EPB41L4A: variants seen among roughly 807,000 people sequenced by gnomAD.
EPB41L4A encodes band 4.1-like protein 4A.
EPB41L4A carries 100 observed loss-of-function variants against 108.6 expected under a neutral mutation model. The observed-to-expected ratio is 0.92, with a 90% CI of 0.78 to 1.09. The LOEUF (loss-of-function observed/expected upper bound fraction) is 1.09. EPB41L4A is among the 50% of genes least tolerant of loss of function. The pLI, the probability that EPB41L4A is intolerant of heterozygous loss-of-function variation, is 0.00. For missense variants in EPB41L4A, 1,030 were observed against 842.7 expected (o/e 1.22, Z -2.75); for synonymous variants, 319 against 289.0 (o/e 1.10, Z -1.05).
chr5:112,259,197 T>G, intron 9 of EPB41L4A, 32 bp downstream of exon 9: 1 of 1,551,558 alleles, frequency 6.4e-7, no homozygotes, highest in Non-Finnish European at 8.9e-7. Context: ...GACACCCCTC[T>G]TCTAATTTAA....
chr5:112,181,442 C>T (rs532282725), intron 18 of EPB41L4A, among the ~76,000 whole-genome samples: 1 of 151,738 alleles, frequency 6.6e-6, no homozygotes, highest in Non-Finnish European at 1.5e-5. Flanking sequence ...CAGAGCGAGA[C>T]TCTGTCTCAA....
At chr5:112,219,740 C>T (rs982107636) in intron 12 of EPB41L4A, among the ~76,000 whole-genome samples, 3 of 152,112 alleles carry the variant, frequency 2.0e-5, no homozygotes, top group Admixed American at 6.5e-5. Context: ...CTGTTGCCTA[C>T]GCTGGAGTGC....
intron 12 of EPB41L4A, among the ~76,000 whole-genome samples, chr5:112,221,505 C>G (rs1488713665): frequency 2.0e-5 from 3 of 152,178 alleles, no homozygotes; most frequent in African/African-American, 7.2e-5. Flanking sequence ...AATGGGAACA[C>G]CACTAACTAC....
At chr5:112,259,388 G>T in intron 8 of EPB41L4A, 96 bp from the exon 9 acceptor site, 1 of 961,538 alleles carries the variant, frequency 1.0e-6, no homozygotes, top group South Asian at 1.3e-5. Flanking sequence ...GGTGAATACT[G>T]GCTCCTTTAT....
chr5:112,398,300 T>C (rs1761502698), intron 1 of EPB41L4A, among the ~76,000 whole-genome samples: 1 of 152,242 alleles, frequency 6.6e-6, no homozygotes, highest in South Asian at 2.1e-4. Flanking sequence ...ACCAAATCTC[T>C]ATCCTGGCAG....
intron 1 of EPB41L4A, among the ~76,000 whole-genome samples, chr5:112,320,550 AG>A (rs1755708248): frequency 6.6e-6 from 1 of 152,202 alleles, no homozygotes; most frequent in Non-Finnish European, 1.5e-5. Flanking sequence ...TCCTGTTAAC[AG>A]CCTGTTTCCG....
intron 9 of EPB41L4A, among the ~76,000 whole-genome samples, chr5:112,241,439 A>G (rs954158414): frequency 6.6e-6 from 1 of 152,218 alleles, no homozygotes; most frequent in African/African-American, 2.4e-5. Flanking sequence ...TAGTTATTTG[A>G]TTCTCTATAT....
chr5:112,181,267 C>A (rs1185479448), intron 18 of EPB41L4A, among the ~76,000 whole-genome samples: 1 of 150,950 alleles, frequency 6.6e-6, no homozygotes, highest in Non-Finnish European at 1.5e-5. Flanking sequence ...CTGGCTAACA[C>A]GGTGAAACCC....
At position 112,153,205 on chromosome 5, in the gene EPB41L4A, T is replaced by A. The variant is rs1461474837; in HGVS notation, n.994+5196A>T. 2.1e-5 allele frequency among the ~76,000 whole-genome samples: 3 copies of A among 145,026 alleles called. No homozygotes were observed. In the East Asian group the frequency reaches 6.3e-4, roughly 31 times the overall value. On this transcript the variant is annotated intron_variant and non_coding_transcript_variant, in intron 12 of 13. Coordinates refer to the EPB41L4A transcript ENST00000507810. ...TTGCACTCCAGCCTGAGTGAAAGAA[T>A]AAGATCCTGTCTCAAAAATTTAAAA...
At chr5:112,353,212 G>GTGAACCAAGCATGCCTGTTGGCATGCT (rs1451041923) in intron 1 of EPB41L4A, among the ~76,000 whole-genome samples, 15 of 151,638 alleles carry the variant, frequency 9.9e-5, no homozygotes, top group Non-Finnish European at 1.8e-4. Context: ...AGTGGCAGCA[G>GTGAACCAAGCATGCCTGTTGGCATGCT]TGAACCAAGC....
chr5:112,389,216 T>TCCC (rs1172593980), intron 1 of EPB41L4A, among the ~76,000 whole-genome samples: 3 of 152,340 alleles, frequency 2.0e-5, no homozygotes, highest in Non-Finnish European at 2.9e-5. Flanking sequence ...CTGTATTAGA[T>TCCC]CTGTATTGGC....
At chr5:112,290,483 C>G (rs1377151652) in intron 2 of EPB41L4A, among the ~76,000 whole-genome samples, 1 of 152,124 alleles carries the variant, frequency 6.6e-6, no homozygotes, top group Non-Finnish European at 1.5e-5. Context: ...TTTTAGGGAT[C>G]ACAGATTCCT....
intron 3 of EPB41L4A, among the ~76,000 whole-genome samples, chr5:112,276,613 T>C (rs1752644430): frequency 6.6e-6 from 1 of 152,226 alleles, no homozygotes; most frequent in Non-Finnish European, 1.5e-5. Context: ...GAAGCATGCA[T>C]CTCAGTAAAA....
intron 22 of EPB41L4A, among the ~76,000 whole-genome samples, chr5:112,168,157 G>A (rs552010569): frequency 1.5e-4 from 23 of 152,198 alleles, no homozygotes; most frequent in South Asian, 8.3e-4. Context: ...CATGAGAGGC[G>A]GTATGAAACT....
chr5:112,377,240 G>A (rs574503069), intron 1 of EPB41L4A, among the ~76,000 whole-genome samples: 19 of 149,934 alleles, frequency 1.3e-4, no homozygotes, highest in African/African-American at 4.7e-4. Flanking sequence ...AAGACAATAT[G>A]TGGAATCTTT....
At chr5:112,165,793 T>C (rs1300673086) in intron 22 of EPB41L4A, among the ~76,000 whole-genome samples, 2 of 152,230 alleles carry the variant, frequency 1.3e-5, no homozygotes, top group African/African-American at 4.8e-5. Flanking sequence ...TAATGGGCTA[T>C]ACCGTCCCAA....
At position 112,164,977 on chromosome 5, in the gene EPB41L4A, C is replaced by G; in HGVS notation, c.*13G>C. The G allele has an allele frequency of 6.2e-7, 1 of 1,609,802 alleles. No homozygotes were observed. Among genetic ancestry groups the G allele is most frequent in the Non-Finnish European group, 8.5e-7 (1 of 1,178,690 alleles). On this transcript the variant is annotated 3_prime_UTR_variant, in exon 23 of 23. Transcript: ENST00000261486. The stretch of plus-strand genomic sequence containing the variant: ...ACAACCTTCCCACCCCTACCCTTGA[C>G]CCTTCATCAGGATCAAGTCTCTGTC...
intron 1 of EPB41L4A, among the ~76,000 whole-genome samples, chr5:112,348,263 A>C (rs954577149): frequency 6.6e-6 from 1 of 152,138 alleles, no homozygotes; most frequent in African/African-American, 2.4e-5. Flanking sequence ...ACCTTTGTCC[A>C]TTTACCACAT....
At chr5:112,406,782 G>A (rs1217678758) in intron 1 of EPB41L4A, among the ~76,000 whole-genome samples, 3 of 152,062 alleles carry the variant, frequency 2.0e-5, no homozygotes, top group Non-Finnish European at 4.4e-5. Flanking sequence ...CAGTGAGTGA[G>A]CACCAAAAAA....
Sources: gnomAD v4.1 joint callset for allele counts (sites outside exome capture counted in the v4.1 genomes callset) on GRCh38, gnomAD v4.1.1 for gene constraint, MANE v1.5 for transcripts, NCBI Gene and HGNC (gene_info 2026-07-23, HGNC 2026-07-21) for gene names.